The following AP4E1 variants were observed in gnomAD, a reference collection of about 807,000 sequenced individuals.
The protein encoded by AP4E1 is AP-4 complex subunit epsilon-1.
Under a neutral mutation model 128.2 loss-of-function variants are expected in AP4E1, and 56 were observed. The observed-to-expected ratio is 0.44, with a 90% confidence interval of 0.35 to 0.55. The LOEUF is 0.55. AP4E1 is among the 20% of genes least tolerant of loss of function. AP4E1 has a pLI of 0.00. For synonymous variants in AP4E1, 484 were observed against 473.1 expected, an observed-to-expected ratio of 1.02 and a Z score of -0.30; for missense variants, 1,324 against 1,307.7, an observed-to-expected ratio of 1.01 and a Z score of -0.19.
intron 13 of AP4E1, among the ~76,000 whole-genome samples, chr15:50,955,279 C>G (rs1237476458): frequency 4.6e-5 from 7 of 152,196 alleles, no homozygotes; most frequent in Non-Finnish European, 1.0e-4. Flanking sequence ...AATGGTTGAA[C>G]TAGTTTACAG....
chr15:50,967,326 T>C (rs1338766102), intron 14 of AP4E1, among the ~76,000 whole-genome samples: 3 of 152,152 alleles, frequency 2.0e-5, no homozygotes, highest in Admixed American at 2.0e-4. Context: ...TTATCCTAGA[T>C]TATGTAGCTA....
chr15:50,999,126 A>G lies in AP4E1; in HGVS notation c.2959A>G (p.Ser987Gly), dbSNP rs371079816. 6.2e-7 allele frequency: 1 copy of G among 1,614,048 alleles called. No homozygotes were observed. Among genetic ancestry groups the G allele is most frequent in the Non-Finnish European group, 8.5e-7 (1 of 1,179,966 alleles). ...LPVMEAESTK[S>G]FQYSVQIEKP... ...TGTAATGGAAGCAGAAAGCACCAAAAGCTTTCAATATAGTGTGCAGATAGA... is the reference window on the plus strand; with the variant it reads ...TGTAATGGAAGCAGAAAGCACCAAAGGCTTTCAATATAGTGTGCAGATAGA... Residue 987 changes from serine to glycine, a missense_variant, in exon 19 of 21, where the codon AGC becomes GGC. Ser to Gly is a moderately conservative substitution (Grantham distance 56). Transcript: ENST00000261842.
intron 15 of AP4E1, among the ~76,000 whole-genome samples, chr15:50,974,196 C>T (rs2064520460): frequency 1.3e-5 from 2 of 151,414 alleles, no homozygotes; most frequent in African/African-American, 4.9e-5. Flanking sequence ...AAACTCCTGA[C>T]TTCAAGTGAT....
At chr15:50,971,989 T>A (rs540297787) in intron 15 of AP4E1, among the ~76,000 whole-genome samples, 1 of 152,320 alleles carries the variant, frequency 6.6e-6, no homozygotes, top group African/African-American at 2.4e-5. Context: ...AAATTTATTA[T>A]TTTCCTTTGG....
chr15:50,947,415 CA>C (rs34715973), intron 10 of AP4E1, among the ~76,000 whole-genome samples: 31,305 of 117,056 alleles, frequency 0.27, 3,498 homozygotes, highest in East Asian at 0.47. Context: ...GACCCTGTCT[CA>C]AAAAAAAAAA....
At chr15:50,915,617 A>G (rs1476886400) in intron 3 of AP4E1, 46 bp downstream of exon 3, 1 of 1,594,936 alleles carries the variant, frequency 6.3e-7, no homozygotes, top group Admixed American at 1.7e-5. Flanking sequence ...TTGTCCTTGA[A>G]GTTGCATCTA....
chr15:50,913,941 G>A (rs1224582660), intron 2 of AP4E1, among the ~76,000 whole-genome samples: 1 of 152,080 alleles, frequency 6.6e-6, no homozygotes, highest in Non-Finnish European at 1.5e-5. Context: ...AGCCTCCCAA[G>A]TAGCTGGGAT....
chr15:50,907,917 G>C (rs192108540), upstream of AP4E1, among the ~76,000 whole-genome samples: 88 of 152,350 alleles, frequency 5.8e-4, no homozygotes, highest in Middle Eastern at 0.01. Context: ...AGCTGTTTAC[G>C]TAGTGGCAAC....
chr15:50,963,825 A>G (rs1460970012), intron 14 of AP4E1, among the ~76,000 whole-genome samples: 1 of 152,238 alleles, frequency 6.6e-6, no homozygotes, highest in Non-Finnish European at 1.5e-5. Context: ...TGTACGCCAG[A>G]TATGTATGTC....
At chr15:50,992,078 AT>A (rs1229775602) in intron 16 of AP4E1, among the ~76,000 whole-genome samples, 2 of 151,738 alleles carry the variant, frequency 1.3e-5, no homozygotes, top group Non-Finnish European at 2.9e-5. Flanking sequence ...TAATACACAG[AT>A]TTCTTCAATA....
At chr15:50,979,059 G>A (rs182559360) in intron 15 of AP4E1, among the ~76,000 whole-genome samples, 59 of 151,844 alleles carry the variant, frequency 3.9e-4, no homozygotes, top group African/African-American at 2.4e-5. Flanking sequence ...TTCAAACTTT[G>A]TACCTCTAAT....
chr15:50,968,742 C>T (rs543674798), intron 15 of AP4E1, among the ~76,000 whole-genome samples: 16 of 152,270 alleles, frequency 1.1e-4, no homozygotes, highest in African/African-American at 3.4e-4. Flanking sequence ...GTTCTTGTGC[C>T]TCAGCCTCCC....
rs865868636 is a variant in AP4E1 at position 50,993,396 on chromosome 15, T to C, written c.2117T>C (p.Ile706Thr). 6.2e-7 allele frequency: 1 copy of C among 1,613,908 alleles called. No homozygotes were observed. Among genetic ancestry groups the C allele is most frequent in the Non-Finnish European group, 8.5e-7 (1 of 1,179,910 alleles). ...ACAAATAGCTTGAAGCTGGAAGGTA[T>C]AAAGAAATTGTGGGGGAAAGAAGGC... is the stretch of plus-strand genomic sequence containing the variant. ...KETNSLKLEG[I>T]KKLWGKEGYL... Residue 706 changes from isoleucine to threonine, a missense_variant, in exon 17 of 21, where the codon ATA (isoleucine) becomes ACA (threonine). Physicochemically the swap from Ile to Thr is moderately conservative, Grantham distance 89. Coordinates refer to ENST00000261842, the MANE Select transcript of AP4E1 (RefSeq NM_007347.5).
At chr15:50,978,837 C>G (rs954141870) in intron 15 of AP4E1, among the ~76,000 whole-genome samples, 1 of 152,172 alleles carries the variant, frequency 6.6e-6, no homozygotes. Flanking sequence ...TCTCCAGCAT[C>G]TTTAGTCCTT....
At chr15:50,975,802 A>G (rs911240795) in intron 15 of AP4E1, among the ~76,000 whole-genome samples, 22 of 152,042 alleles carry the variant, frequency 1.4e-4, no homozygotes, top group Non-Finnish European at 4.4e-5. Context: ...GGTGAATTCT[A>G]CCAAACACTT....
At chr15:50,990,277 AT>A (rs917079809) in intron 16 of AP4E1, among the ~76,000 whole-genome samples, 51 of 150,818 alleles carry the variant, frequency 3.4e-4, no homozygotes, top group South Asian at 6.3e-4. Flanking sequence ...TAAGAAGCAT[AT>A]TTTTTATATG....
chr15:50,970,309 T>C (rs928458439), intron 15 of AP4E1, among the ~76,000 whole-genome samples: 28 of 152,254 alleles, frequency 1.8e-4, no homozygotes, highest in African/African-American at 6.8e-4. Context: ...TCACTTTGTA[T>C]ATAATACCAC....
rs143518987 is a variant in AP4E1, at chr15:50,953,231, C to T, written c.1548+3062C>T. Reference sequence around the variant, plus strand: ...TCCTTCCTGAATTGATTATTGGTTTCTGTGGCCATTAGTTTTTTTTGTCTA... The same window carrying T: ...TCCTTCCTGAATTGATTATTGGTTTTTGTGGCCATTAGTTTTTTTTGTCTA... On this transcript the variant is annotated intron_variant, in intron 13 of 20. Transcript: ENST00000261842. Among the ~76,000 whole-genome samples the T allele has an allele frequency of 2.1e-3, 325 of 152,232 alleles. 2 individuals are homozygous for T. Among genetic ancestry groups the T allele is most frequent in the African/African-American group, 7.6e-3 (315 of 41,522 alleles).
In AP4E1 at chr15:50,950,130, T is replaced by C; in HGVS notation, c.1509T>C (p.Asn503=). 1 of 1,613,214 alleles carries C rather than the reference T, an allele frequency of 6.2e-7. No homozygotes were observed. Among genetic ancestry groups the C allele is most frequent in the Non-Finnish European group, 8.5e-7 (1 of 1,179,496 alleles). Residue 503 remains asparagine, a synonymous_variant, in exon 13 of 21, where the codon AAT becomes AAC. Transcript: ENST00000261842. ...ATCTCACTTTACTGGATATGGAAAATGTGTTCTATCCACAGAGATTTCTTC... is the reference window on the plus strand; with the variant it reads ...ATCTCACTTTACTGGATATGGAAAACGTGTTCTATCCACAGAGATTTCTTC... ...QSYLTLLDME[N]VFYPQRFLQV... is the part of the protein sequence containing the mutation.
Sources: allele counts gnomAD v4.1 joint callset (sites outside exome capture counted in the v4.1 genomes callset), GRCh38; gene constraint gnomAD v4.1.1; transcripts MANE v1.5; gene names NCBI Gene and HGNC (gene_info 2026-07-23, HGNC 2026-07-21).